ADAM22: variants seen among roughly 807,000 people sequenced by gnomAD.
The protein encoded by ADAM22 is ADAM metallopeptidase domain 22, also known as disintegrin and metalloproteinase domain-containing protein 22.
ADAM22 carries 65 observed loss-of-function variants against 144.6 expected under a neutral mutation model. The ratio of observed to expected loss-of-function variants is 0.45; its 90% CI spans 0.37 to 0.55. The LOEUF is 0.55. Among genes scored for constraint, ADAM22 ranks in the 20% least tolerant of loss-of-function variants. The pLI, the probability that ADAM22 is intolerant of heterozygous loss-of-function variation, is 0.00. For synonymous variants in ADAM22, 391 were observed against 412.6 expected (o/e 0.95, Z 0.63); for missense variants, 974 against 1,184.9 (o/e 0.82, Z 2.61).
chr7:88,048,048 T>G (rs1448948985), intron 3 of ADAM22, among the ~76,000 whole-genome samples: 1 of 152,194 alleles, frequency 6.6e-6, no homozygotes, highest in Non-Finnish European at 1.5e-5. Context: ...TTTCTTCTTA[T>G]GTCCTGCCCT....
chr7:88,182,031 C>T lies in ADAM22; in HGVS notation c.2663+7C>T, dbSNP rs1042736413. On this transcript the variant is annotated splice_region_variant and intron_variant, in intron 29 of 31. Transcript: ENST00000413139. Reference sequence around the variant, plus strand: ...CTCGGTCTAATTCAACTGAGTAAGTCTGAACCTCTAATGGAAAAAGGCACT... The same window carrying T: ...CTCGGTCTAATTCAACTGAGTAAGTTTGAACCTCTAATGGAAAAAGGCACT... The T allele has an allele frequency of 2.5e-6, 4 of 1,611,440 alleles. No individual in the cohort carries two copies. In the African/African-American group the frequency reaches 5.4e-5, roughly 22 times the overall value.
Position 88,134,383 on chromosome 7 carries a change from A to G in ADAM22, c.1132A>G (p.Ile378Val). 1.2e-6 allele frequency: 2 copies of G among 1,611,162 alleles called. No homozygotes were observed. The highest frequency in any genetic ancestry group is 1.7e-6 in the Non-Finnish European group (2 of 1,178,992). Reference sequence around the variant, plus strand: ...ACTTGCCCAGTCATTAGCCCATAATATTGGTATTATCTCAGACAAAAGAAA... The same window carrying G: ...ACTTGCCCAGTCATTAGCCCATAATGTTGGTATTATCTCAGACAAAAGAAA... ...VTLAQSLAHN[I>V]GIISDKRKLA... The change falls in exon 13 of 32, where the codon ATT becomes GTT. Residue 378 changes from isoleucine to valine, a missense_variant. By Grantham distance (29) the Ile-to-Val change is conservative (BLOSUM62 3). This residue lies in a region of ADAM22 where 734 missense variants were observed against 950.6 expected (regional missense o/e 0.77). Coordinates refer to ENST00000413139, the MANE Select transcript of ADAM22 (RefSeq NM_001324418.2).
At chr7:87,957,973 A>T (rs766121835) in intron 2 of ADAM22, among the ~76,000 whole-genome samples, 1 of 152,190 alleles carries the variant, frequency 6.6e-6, no homozygotes, top group Admixed American at 6.5e-5. Context: ...TAGCATATAT[A>T]TCCTTTTACC....
intron 2 of ADAM22, among the ~76,000 whole-genome samples, chr7:87,973,902 C>G (rs1851178868): frequency 1.3e-5 from 2 of 151,582 alleles, no homozygotes; most frequent in Admixed American, 1.3e-4. Context: ...AACACATGAA[C>G]ACAAGAAGGG....
chr7:88,116,632 A>G, intron 6 of ADAM22, 113 bp from the exon 7 acceptor site: 2 of 796,500 alleles, frequency 2.5e-6, no homozygotes, highest in South Asian at 1.7e-5. Flanking sequence ...CTCTAAACCC[A>G]GGAGAATGCA....
intron 3 of ADAM22, among the ~76,000 whole-genome samples, chr7:87,997,975 C>T (rs886822023): frequency 1.3e-5 from 2 of 152,184 alleles, no homozygotes; most frequent in African/African-American, 4.8e-5. Flanking sequence ...GGGAAGCTGA[C>T]AGTGCAGCCG....
chr7:87,985,373 T>A (rs1351325699), intron 3 of ADAM22, among the ~76,000 whole-genome samples: 1 of 152,146 alleles, frequency 6.6e-6, no homozygotes, highest in Non-Finnish European at 1.5e-5. Flanking sequence ...AGTATACAAT[T>A]CAGTGATTTT....
intron 2 of ADAM22, among the ~76,000 whole-genome samples, chr7:87,954,635 CT>C (rs1464778815): frequency 2.6e-5 from 4 of 152,092 alleles, no homozygotes; most frequent in Admixed American, 6.5e-5. Flanking sequence ...AGTTGCTCTT[CT>C]CGAGGAGTAT....
intron 30 of ADAM22, 134 bp from the exon 31 acceptor site, chr7:88,192,982 C>T: frequency 2.0e-6 from 2 of 1,011,100 alleles, no homozygotes; most frequent in Admixed American, 2.5e-5. Context: ...AGAATATCTT[C>T]CCAGTAGTTA....
chr7:88,096,684 A>AT lies in ADAM22; in HGVS notation c.391-11491dup, dbSNP rs1249917623. On this transcript the variant is annotated intron_variant, in intron 4 of 31. Transcript: ENST00000413139. ...CTTTGTGGTAAGTGCAGTGTACAAGATATTGATTCTTTGGAAGTTGGCCTT... is the reference window on the plus strand; with the variant it reads ...CTTTGTGGTAAGTGCAGTGTACAAGATTATTGATTCTTTGGAAGTTGGCCTT... 6.6e-5 allele frequency among the ~76,000 whole-genome samples: 10 copies of AT among 152,202 alleles called. 1 individual carries two copies. The South Asian group carries it at 2.1e-3, about 31-fold the overall frequency.
intron 26 of ADAM22, 108 bp downstream of exon 26, chr7:88,171,669 T>C: frequency 6.1e-6 from 6 of 979,010 alleles, no homozygotes; most frequent in Non-Finnish European, 8.9e-6. Context: ...TTTTTATGTA[T>C]AATAATCATA....
At chr7:88,036,411 A>C (rs1055142850) in intron 3 of ADAM22, among the ~76,000 whole-genome samples, 1 of 152,168 alleles carries the variant, frequency 6.6e-6, no homozygotes, top group African/African-American at 2.4e-5. Flanking sequence ...GGGGATGGAC[A>C]TGAAAGGGAG....
Position 88,126,531 on chromosome 7 carries a change from A to G in ADAM22, c.678+872A>G, listed in dbSNP as rs17150244. Among the ~76,000 whole-genome samples the G allele has an allele frequency of 5.4e-3, 822 of 152,112 alleles. 11 individuals are homozygous for G. Among genetic ancestry groups the G allele is most frequent in the East Asian group, 0.037 (194 of 5,182 alleles). On this transcript the variant is annotated intron_variant, in intron 8 of 31. Transcript: ENST00000413139. ...GAATACTTACCTTGTACCTGGCCCT[A>G]TTATAAGAATTTTAACTATATTAAC...
rs934414444 is a variant in ADAM22 at position 88,165,823 on chromosome 7, G to T, written c.2077-9G>T. The T allele has an allele frequency of 4.4e-6, 7 of 1,581,888 alleles. No individual in the cohort carries two copies. The African/African-American group carries it at 8.2e-5, about 19-fold the overall frequency. ...TTGACATTTACTCTAGCTTGATTTT[G>T]GATCTCAGGTTTGCAGTAATGAGCT... is the stretch of plus-strand genomic sequence containing the variant. On this transcript the variant is annotated splice_polypyrimidine_tract_variant and intron_variant, in intron 23 of 31. Coordinates refer to ENST00000413139, the MANE Select transcript of ADAM22 (RefSeq NM_001324418.2).
intron 21 of ADAM22, 82 bp downstream of exon 21, chr7:88,153,408 T>C (rs1839029021): frequency 3.5e-6 from 4 of 1,128,130 alleles, no homozygotes; most frequent in Admixed American, 2.1e-5. Flanking sequence ...AGTTTCTGCT[T>C]TCTGCATCAC....
chr7:88,151,963 C>G (rs916393593), intron 20 of ADAM22, among the ~76,000 whole-genome samples: 4 of 152,140 alleles, frequency 2.6e-5, no homozygotes, highest in African/African-American at 9.7e-5. Context: ...AGAAGTACTA[C>G]TAGCCCAAAC....
At chr7:87,937,133 G>T (rs1422518193) in intron 2 of ADAM22, among the ~76,000 whole-genome samples, 1 of 151,984 alleles carries the variant, frequency 6.6e-6, no homozygotes, top group Non-Finnish European at 1.5e-5. Flanking sequence ...TTAAAAATTT[G>T]TTTTTGTAAA....
intron 17 of ADAM22, among the ~76,000 whole-genome samples, chr7:88,146,746 G>A (rs1210650133): frequency 6.6e-6 from 1 of 152,122 alleles, no homozygotes; most frequent in African/African-American, 2.4e-5. Context: ...CTCTATACAG[G>A]CTCACTTAGC....
At chr7:88,017,331 C>T (rs2129462826) in intron 3 of ADAM22, among the ~76,000 whole-genome samples, 1 of 152,144 alleles carries the variant, frequency 6.6e-6, no homozygotes, top group African/African-American at 2.4e-5. Flanking sequence ...TGTTAATTAC[C>T]TGATTTGATC....
Sources: allele counts gnomAD v4.1 joint callset (sites outside exome capture counted in the v4.1 genomes callset), GRCh38; gene constraint gnomAD v4.1.1; regional missense constraint gnomAD v4.1.1; transcripts MANE v1.5; gene names NCBI Gene and HGNC (gene_info 2026-07-23, HGNC 2026-07-21).